Variants in PDIA5 observed in about 807,000 individuals in gnomAD.
The protein encoded by PDIA5 is protein disulfide isomerase family A member 5.
Under a neutral mutation model 77.6 loss-of-function variants are expected in PDIA5, and 58 were observed. The observed-to-expected ratio is 0.75, with a 90% CI of 0.61 to 0.93. The LOEUF is 0.93. Among genes scored for constraint, PDIA5 ranks in the 40% least tolerant of loss-of-function variants. PDIA5 has a pLI of 0.00. For missense variants in PDIA5, 630 were observed against 647.7 expected, an observed-to-expected ratio of 0.97 and a Z score of 0.30; for synonymous variants, 250 against 252.1, an observed-to-expected ratio of 0.99 and a Z score of 0.08.
At chr3:123,100,381 G>A (rs920060199) in intron 3 of PDIA5, among the ~76,000 whole-genome samples, 6 of 152,238 alleles carry the variant, frequency 3.9e-5, no homozygotes, top group Admixed American at 2.6e-4. Flanking sequence ...AGTTTTCAGC[G>A]GGTGCCCTGG....
chr3:123,118,523 T>C (rs1310422060), intron 8 of PDIA5, among the ~76,000 whole-genome samples: 2 of 152,110 alleles, frequency 1.3e-5, no homozygotes, highest in Non-Finnish European at 2.9e-5. Context: ...TCGTGGGCCA[T>C]TCTCAGCCAA....
intron 1 of PDIA5, among the ~76,000 whole-genome samples, chr3:123,070,077 A>G (rs1933684522): frequency 1.3e-5 from 2 of 150,106 alleles, no homozygotes; most frequent in South Asian, 4.2e-4. Flanking sequence ...GGGATGGAGC[A>G]AGACTCCATC....
At position 123,094,572 on chromosome 3, in the gene PDIA5, G is replaced by A. The variant is rs1255323524; in HGVS notation, c.257+2130G>A. On this transcript the variant is annotated intron_variant, in intron 3 of 16. Transcript: ENST00000316218. Reference sequence around the variant, plus strand: ...GGAGCCCCCGTGTCAGCTCCACAGAGCCCTGCGTTGACAGCTCTCGCAGTT... The same window carrying A: ...GGAGCCCCCGTGTCAGCTCCACAGAACCCTGCGTTGACAGCTCTCGCAGTT... Among the ~76,000 whole-genome samples, 5 of 152,234 alleles carry A rather than the reference G, an allele frequency of 3.3e-5. No homozygotes were observed. The East Asian group carries it at 7.7e-4, about 23-fold the overall frequency.
intron 3 of PDIA5, among the ~76,000 whole-genome samples, chr3:123,099,759 C>G (rs542389380): frequency 3.3e-5 from 5 of 152,352 alleles, no homozygotes; most frequent in African/African-American, 9.6e-5. Context: ...GGGACTTTTC[C>G]ATGGAGGGGT....
chr3:123,143,544 G>C (rs1935690910), intron 11 of PDIA5, among the ~76,000 whole-genome samples: 1 of 152,086 alleles, frequency 6.6e-6, no homozygotes, highest in South Asian at 2.1e-4. Flanking sequence ...TTCATCCCTT[G>C]AAGGCATCAT....
In PDIA5 at chr3:123,161,418, A is replaced by C; in HGVS notation, c.1442A>C (p.Tyr481Ser). 6.2e-7 allele frequency: 1 copy of C among 1,614,100 alleles called. No homozygotes were observed. The highest frequency in any genetic ancestry group is 2.2e-5 in the East Asian group (1 of 44,878). Reference sequence around the variant, plus strand: ...TACCCCACTTTCCACTACTACCACTATGGGAAGTTCGCAGAAAAGTATGAC... The same window carrying C: ...TACCCCACTTTCCACTACTACCACTCTGGGAAGTTCGCAGAAAAGTATGAC... ...KGYPTFHYYH[Y>S]GKFAEKYDSD... is the part of the protein sequence containing the mutation. The change falls in exon 16 of 17, where the codon TAT (tyrosine) becomes TCT (serine). Residue 481 changes from tyrosine to serine, a missense_variant. Tyr to Ser is a moderately radical substitution (Grantham distance 144). Coordinates refer to ENST00000316218, the MANE Select transcript of PDIA5 (RefSeq NM_006810.4).
chr3:123,153,079 C>T (rs2717224), intron 14 of PDIA5, among the ~76,000 whole-genome samples: 86,160 of 151,796 alleles, frequency 0.57, 25,143 homozygotes, highest in African/African-American at 0.73. Context: ...CCTCCCATTA[C>T]TCATTGGCCC....
intron 14 of PDIA5, among the ~76,000 whole-genome samples, chr3:123,150,596 C>T (rs974696814): frequency 6.6e-6 from 1 of 152,142 alleles, no homozygotes; most frequent in Admixed American, 6.5e-5. Context: ...CAGCCTTTCT[C>T]GTGTCTGTCC....
intron 10 of PDIA5, among the ~76,000 whole-genome samples, chr3:123,126,674 C>T (rs1481572493): frequency 6.6e-6 from 1 of 152,242 alleles, no homozygotes; most frequent in Non-Finnish European, 1.5e-5. Context: ...TTTCCTGCTT[C>T]TCTAGGTTTC....
intron 15 of PDIA5, 83 bp from the exon 16 acceptor site, chr3:123,161,238 G>T: frequency 1.4e-6 from 2 of 1,432,830 alleles, no homozygotes; most frequent in South Asian, 2.6e-5. Flanking sequence ...CTGTGACGTG[G>T]ACTAGATGTG....
At chr3:123,143,320 G>A (rs1202733353) in intron 11 of PDIA5, among the ~76,000 whole-genome samples, 4 of 151,512 alleles carry the variant, frequency 2.6e-5, no homozygotes, top group African/African-American at 4.9e-5. Context: ...AGGAGGCGGA[G>A]GTTGCAGTGA....
intron 3 of PDIA5, among the ~76,000 whole-genome samples, chr3:123,094,181 A>G (rs1164003052): frequency 6.6e-6 from 1 of 152,246 alleles, no homozygotes; most frequent in Non-Finnish European, 1.5e-5. Flanking sequence ...CTTAAGACAG[A>G]AGGATGGACT....
chr3:123,090,811 G>C (rs1445657982), intron 2 of PDIA5, among the ~76,000 whole-genome samples: 8 of 152,166 alleles, frequency 5.3e-5, no homozygotes, highest in Non-Finnish European at 7.4e-5. Context: ...GAGCCATTGA[G>C]AGTAGAGCCC....
chr3:123,091,964 TA>T (rs767641412), intron 2 of PDIA5, among the ~76,000 whole-genome samples: 1 of 152,238 alleles, frequency 6.6e-6, no homozygotes, highest in Non-Finnish European at 1.5e-5. Context: ...CTGCTTTAGT[TA>T]TAGGATTGTC....
intron 6 of PDIA5, among the ~76,000 whole-genome samples, chr3:123,109,450 C>T (rs1436413120): frequency 2.6e-5 from 4 of 152,166 alleles, no homozygotes; most frequent in Admixed American, 6.5e-5. Flanking sequence ...ATCCTGTACC[C>T]GTAGTTAGGG....
intron 13 of PDIA5, among the ~76,000 whole-genome samples, chr3:123,149,142 G>A (rs897888232): frequency 6.6e-6 from 1 of 152,240 alleles, no homozygotes; most frequent in African/African-American, 2.4e-5. Flanking sequence ...GAGAGGCAGG[G>A]AGACTGATTT....
Position 123,092,380 on chromosome 3 carries a change from G to A in PDIA5, c.195G>A (p.Arg65=), listed in dbSNP as rs1171630417. 6.2e-7 allele frequency: 1 copy of A among 1,613,802 alleles called. No homozygotes were observed. Among genetic ancestry groups the A allele is most frequent in the Non-Finnish European group, 8.5e-7 (1 of 1,179,840 alleles). The change falls in exon 3 of 17, where the codon AGG becomes AGA. Residue 65 remains arginine (R), a synonymous_variant. Coordinates refer to ENST00000316218, the MANE Select transcript of PDIA5 (RefSeq NM_006810.4). ...AGGTGGCAGCTGAAAATCATCTCAG[G>A]TTACTGTCCACAGTGGCCCAGGCGG... The part of the protein sequence containing the change: ...KSEVAAENHL[R]LLSTVAQAVK...
chr3:123,107,746 A>G (rs1934769996), intron 6 of PDIA5, among the ~76,000 whole-genome samples: 1 of 152,184 alleles, frequency 6.6e-6, no homozygotes. Context: ...TCAATAAAAT[A>G]AAACATAGCT....
chr3:123,148,478 A>G (rs995598457), intron 13 of PDIA5, among the ~76,000 whole-genome samples: 7 of 151,598 alleles, frequency 4.6e-5, no homozygotes, highest in South Asian at 2.1e-4. Context: ...CTGAGGTGGG[A>G]GGATTGCTTG....
Sources: allele counts gnomAD v4.1 joint callset (sites outside exome capture counted in the v4.1 genomes callset), GRCh38; gene constraint gnomAD v4.1.1; transcripts MANE v1.5; gene names NCBI Gene and HGNC (gene_info 2026-07-23, HGNC 2026-07-21).